USP15: variants seen among roughly 807,000 people sequenced by gnomAD.
USP15 encodes the protein ubiquitin carboxyl-terminal hydrolase 15.
Under a neutral mutation model 127.1 loss-of-function variants are expected in USP15, and 18 were observed. The observed-to-expected ratio is 0.14, with a 90% confidence interval of 0.10 to 0.21. The LOEUF is 0.21. Among genes scored for constraint, USP15 ranks in the 10% least tolerant of loss-of-function variants. The pLI, the probability that USP15 is intolerant of heterozygous loss-of-function variation, is 1.00. For synonymous variants in USP15, 364 were observed against 393.7 expected (o/e 0.92, Z 0.89); for missense variants, 805 against 1,159.9 (o/e 0.69, Z 4.44).
At chr12:62,356,767 C>G (rs1426011219) in intron 8 of USP15, among the ~76,000 whole-genome samples, 2 of 151,870 alleles carry the variant, frequency 1.3e-5, no homozygotes, top group Admixed American at 6.6e-5. Context: ...AAATTTTTAT[C>G]TTTATTTTTC....
chr12:62,356,559 C>T (rs1284600426), intron 8 of USP15, among the ~76,000 whole-genome samples: 1 of 151,830 alleles, frequency 6.6e-6, no homozygotes, highest in African/African-American at 2.4e-5. Context: ...AAGGCATAAT[C>T]GATTTCTGGT....
At chr12:62,274,492 A>G (rs2063428653) in intron 1 of USP15, among the ~76,000 whole-genome samples, 1 of 151,284 alleles carries the variant, frequency 6.6e-6, no homozygotes, top group Non-Finnish European at 1.5e-5. Context: ...AAAAATTTTT[A>G]AAAATTAACC....
chr12:62,368,351 T>G (rs1300194594), intron 8 of USP15, among the ~76,000 whole-genome samples: 1 of 152,190 alleles, frequency 6.6e-6, no homozygotes, highest in Non-Finnish European at 1.5e-5. Context: ...TGAGTTCAAG[T>G]CCCGAATATC....
At chr12:62,313,971 C>T in intron 3 of USP15, 1 of 777,664 alleles carries the variant, frequency 1.3e-6, no homozygotes, top group Non-Finnish European at 1.6e-6. Context: ...GATCACATAT[C>T]AGGCCTATTA....
In USP15 at chr12:62,406,925, C is replaced by G. The variant is rs1243177942; in HGVS notation, c.*2550C>G. On this transcript the variant is annotated 3_prime_UTR_variant, in exon 22 of 22. Coordinates refer to ENST00000280377, the MANE Select transcript of USP15 (RefSeq NM_001252078.2). ...GGCCGCAGTTAGCCGAAATCACACC[C>G]CTGCACTCCAGCCTGTGCAACATAG... is the stretch of plus-strand genomic sequence containing the variant. The G allele has an allele frequency of 3.3e-5, 5 of 151,884 alleles. No individual in the cohort carries two copies. The East Asian group carries it at 9.7e-4, about 29-fold the overall frequency. 9.4% of individuals were successfully genotyped at this position (151,884 alleles called of 1,614,324 possible).
intron 1 of USP15, among the ~76,000 whole-genome samples, chr12:62,260,793 C>G (rs1400165616): frequency 6.6e-6 from 1 of 152,124 alleles, no homozygotes; most frequent in Non-Finnish European, 1.5e-5. Context: ...TAGTGCCGCT[C>G]CCACCTCAGG....
chr12:62,383,263 A>G (rs2067044035), intron 9 of USP15, among the ~76,000 whole-genome samples: 1 of 151,984 alleles, frequency 6.6e-6, no homozygotes, highest in Non-Finnish European at 1.5e-5. Flanking sequence ...TTTGTTCACA[A>G]CATTTTCGTC....
At chr12:62,274,923 A>G (rs951191036) in intron 1 of USP15, among the ~76,000 whole-genome samples, 1 of 152,186 alleles carries the variant, frequency 6.6e-6, no homozygotes, top group Non-Finnish European at 1.5e-5. Context: ...CAAATCAAGC[A>G]GCTATCATAG....
chr12:62,324,484 A>C (rs939715994), intron 5 of USP15, among the ~76,000 whole-genome samples: 1 of 151,960 alleles, frequency 6.6e-6, no homozygotes, highest in African/African-American at 2.4e-5. Flanking sequence ...AGTAAAGCAA[A>C]ACATTCTGGA....
chr12:62,368,710 T>G (rs932674399), intron 8 of USP15, among the ~76,000 whole-genome samples: 1 of 152,194 alleles, frequency 6.6e-6, no homozygotes, highest in African/African-American at 2.4e-5. Context: ...TCTTTGCACA[T>G]GAGATGGGTC....
chr12:62,267,305 C>T (rs1441058366), intron 1 of USP15: 1 of 152,154 alleles, frequency 6.6e-6, no homozygotes, highest in African/African-American at 2.4e-5. Flanking sequence ...ACAAAAGTCA[C>T]TATTCAAGAA....
chr12:62,335,540 T>C, intron 6 of USP15: 1 of 1,095,756 alleles, frequency 9.1e-7, no homozygotes, highest in Non-Finnish European at 1.1e-6. Context: ...TATTATCTCC[T>C]CTCTCCTACA....
rs207473008 is a variant in USP15 at position 62,393,119 on chromosome 12, A to G, written c.2487A>G (p.Pro829=). ...TKKLDLWSLP[P]VLVVHLKRFS... ...AATTGGATTTATGGTCCCTGCCTCC[A>G]GTACTTGTAGTACATCTCAAGCGAT... The change falls in exon 19 of 22, where the codon CCA becomes CCG. Residue 829 remains proline, a synonymous_variant. Transcript: ENST00000280377. 1.9e-6 allele frequency: 3 copies of G among 1,613,792 alleles called. No homozygotes were observed. The African/African-American group carries it at 4.0e-5, about 22-fold the overall frequency.
At chr12:62,368,184 T>C (rs2066542100) in intron 8 of USP15, among the ~76,000 whole-genome samples, 1 of 152,238 alleles carries the variant, frequency 6.6e-6, no homozygotes, top group African/African-American at 2.4e-5. Context: ...CTGTTTGTTA[T>C]GATTTCCGTT....
intron 4 of USP15, among the ~76,000 whole-genome samples, chr12:62,316,065 G>A (rs539491471): frequency 2.6e-5 from 4 of 152,034 alleles, no homozygotes; most frequent in East Asian, 1.9e-4. Flanking sequence ...CGGGTGGATC[G>A]CCTGAAGTGA....
At chr12:62,401,855 G>GGTTT (rs1469216158) in intron 21 of USP15, among the ~76,000 whole-genome samples, 3 of 77,140 alleles carry the variant, frequency 3.9e-5, no homozygotes, top group African/African-American at 1.4e-4. Flanking sequence ...TCTCAGTATG[G>GGTTT]GTTTGTGTGT....
chr12:62,378,028 G>A (rs1018699209), intron 8 of USP15, among the ~76,000 whole-genome samples: 9 of 152,066 alleles, frequency 5.9e-5, no homozygotes, highest in African/African-American at 9.6e-5. Flanking sequence ...CCAACATGGC[G>A]AAACCCCAAC....
At chr12:62,317,255 G>A (rs1245288162) in intron 4 of USP15, among the ~76,000 whole-genome samples, 2 of 152,140 alleles carry the variant, frequency 1.3e-5, no homozygotes, top group Admixed American at 6.6e-5. Flanking sequence ...TATGGTTATA[G>A]TACAGGTTAA....
chr12:62,290,209 A>G (rs914459813), intron 1 of USP15, among the ~76,000 whole-genome samples: 1 of 152,116 alleles, frequency 6.6e-6, no homozygotes, highest in African/African-American at 2.4e-5. Flanking sequence ...TGTCAGTGGA[A>G]TATGGAAGTC....
Sources: allele counts gnomAD v4.1 joint callset (sites outside exome capture counted in the v4.1 genomes callset), GRCh38; gene constraint gnomAD v4.1.1; transcripts MANE v1.5; gene names NCBI Gene and HGNC (gene_info 2026-07-23, HGNC 2026-07-21).